The following PTPRG variants were observed in gnomAD, a reference collection of about 807,000 sequenced individuals.
PTPRG encodes the protein receptor-type tyrosine-protein phosphatase gamma.
In PTPRG, 102 loss-of-function variants were observed where a neutral mutation model predicts 165.3. That is an observed-to-expected ratio of 0.62 (90% CI 0.53 to 0.73). The LOEUF (loss-of-function observed/expected upper bound fraction) is 0.73. PTPRG is among the 30% of genes least tolerant of loss of function. The probability of loss-of-function intolerance (pLI) is 0.00; values close to 1 mark genes in which losing one functional copy is unlikely to be tolerated. For missense variants in PTPRG, 1,866 were observed against 1,861.4 expected (o/e 1.00, Z -0.05); for synonymous variants, 675 against 669.5 (o/e 1.01, Z -0.13).
intron 13 of PTPRG, among the ~76,000 whole-genome samples, chr3:62,221,560 C>A (rs1700651791): frequency 6.6e-6 from 1 of 152,156 alleles, no homozygotes; most frequent in Non-Finnish European, 1.5e-5. Flanking sequence ...ATGCGTTTCC[C>A]TTTGGCAATG....
At chr3:61,979,355 G>A (rs2040585309) in intron 2 of PTPRG, among the ~76,000 whole-genome samples, 1 of 152,126 alleles carries the variant, frequency 6.6e-6, no homozygotes, top group African/African-American at 2.4e-5. Flanking sequence ...TGAATTTTTG[G>A]TGAATGCCTT....
intron 8 of PTPRG, among the ~76,000 whole-genome samples, chr3:62,175,227 G>T (rs909067458): frequency 1.8e-4 from 27 of 152,164 alleles, no homozygotes; most frequent in African/African-American, 6.5e-4. Context: ...AATTGTTGTA[G>T]CTAGTAAATT....
chr3:61,770,171 G>C (rs2034165839), intron 2 of PTPRG: 1 of 152,164 alleles, frequency 6.6e-6, no homozygotes, highest in Non-Finnish European at 1.5e-5. Context: ...AGCCTGGGTG[G>C]TGTTGATTGT....
chr3:61,859,008 A>T (rs1173440565), intron 2 of PTPRG, among the ~76,000 whole-genome samples: 2 of 152,190 alleles, frequency 1.3e-5, no homozygotes, highest in Admixed American at 1.3e-4. Flanking sequence ...AGATGGAGAC[A>T]AAAAGTTGCT....
chr3:62,072,615 ATGTGTG>A (rs746425268), intron 4 of PTPRG, among the ~76,000 whole-genome samples: 1,574 of 134,656 alleles, frequency 0.012, 18 homozygotes, highest in African/African-American at 0.044. Flanking sequence ...ATATATGTGT[ATGTGTG>A]TGTGTGTGTG....
intron 2 of PTPRG, among the ~76,000 whole-genome samples, chr3:61,908,893 T>C (rs754750366): frequency 1.3e-5 from 2 of 152,214 alleles, no homozygotes; most frequent in African/African-American, 4.8e-5. Flanking sequence ...AGCTGAGATA[T>C]GACAGAGGGG....
intron 2 of PTPRG, among the ~76,000 whole-genome samples, chr3:61,878,709 G>T (rs1195716211): frequency 6.6e-6 from 1 of 151,918 alleles, no homozygotes; most frequent in East Asian, 1.9e-4. Flanking sequence ...TTACTATGTT[G>T]CCCGGGTTGG....
intron 15 of PTPRG, among the ~76,000 whole-genome samples, chr3:62,250,199 G>C (rs184616826): frequency 1.3e-5 from 2 of 152,218 alleles, no homozygotes; most frequent in Non-Finnish European, 2.9e-5. Flanking sequence ...AACACTCTAT[G>C]AATTAAGTAC....
intron 2 of PTPRG, among the ~76,000 whole-genome samples, chr3:61,835,721 G>T (rs2036437210): frequency 1.3e-5 from 2 of 151,774 alleles, no homozygotes; most frequent in Admixed American, 1.3e-4. Flanking sequence ...TTTTTATCAG[G>T]ATCACTTTGG....
chr3:61,682,806 CAAAT>C (rs1439106841), intron 1 of PTPRG, among the ~76,000 whole-genome samples: 2 of 152,156 alleles, frequency 1.3e-5, no homozygotes, highest in African/African-American at 4.8e-5. Flanking sequence ...GATTATGACT[CAAAT>C]GAGGAATAAA....
chr3:62,107,479 A>G (rs923728600), intron 5 of PTPRG, among the ~76,000 whole-genome samples: 13 of 152,256 alleles, frequency 8.5e-5, no homozygotes, highest in Non-Finnish European at 1.9e-4. Context: ...GTCCCAGGCA[A>G]TAACCTGCTA....
chr3:61,976,215 G>C (rs1559723890), intron 2 of PTPRG, among the ~76,000 whole-genome samples: 1 of 152,094 alleles, frequency 6.6e-6, no homozygotes, highest in Non-Finnish European at 1.5e-5. Flanking sequence ...CCCTTCCCTG[G>C]GAATTCTAGA....
rs1057131581 is a variant in PTPRG at position 61,887,420 on chromosome 3, G to C, written c.191-102205G>C. Among the ~76,000 whole-genome samples the C allele has an allele frequency of 4.7e-4, 71 of 152,134 alleles. 1 individual carries two copies. Among genetic ancestry groups the C allele is most frequent in the African/African-American group, 1.5e-3 (64 of 41,502 alleles). On this transcript the variant is annotated intron_variant, in intron 2 of 29. Coordinates refer to ENST00000474889, the MANE Select transcript of PTPRG (RefSeq NM_002841.4). ...AAAACTTTGAAGATTTTCTCACTTA[G>C]AGATTTCCCAGTGTACTGTTTACAA...
chr3:61,818,030 G>A (rs73086076), intron 2 of PTPRG, among the ~76,000 whole-genome samples: 3,048 of 152,092 alleles, frequency 0.02, 37 homozygotes, highest in Non-Finnish European at 0.03. Context: ...ATAGTGTTTG[G>A]AATCACTTTG....
At chr3:62,080,582 G>T (rs1439913850) in intron 5 of PTPRG, among the ~76,000 whole-genome samples, 1 of 152,022 alleles carries the variant, frequency 6.6e-6, no homozygotes, top group Non-Finnish European at 1.5e-5. Flanking sequence ...ATGCCAACCT[G>T]TGCTCAGACC....
chr3:62,049,298 G>A (rs1157692257), intron 4 of PTPRG, among the ~76,000 whole-genome samples: 1 of 152,064 alleles, frequency 6.6e-6, no homozygotes, highest in African/African-American at 2.4e-5. Flanking sequence ...CTGGTAAAAC[G>A]GGTTTTAGTT....
intron 5 of PTPRG, chr3:62,124,719 C>T: frequency 1.8e-6 from 1 of 555,714 alleles, no homozygotes; most frequent in Non-Finnish European, 3.2e-6. Flanking sequence ...GGCTCAGAAT[C>T]ACACTGGCTA....
intron 4 of PTPRG, among the ~76,000 whole-genome samples, chr3:62,017,422 T>A (rs1445971308): frequency 6.6e-6 from 1 of 151,656 alleles, no homozygotes; most frequent in Non-Finnish European, 1.5e-5. Flanking sequence ...AAAATGATTT[T>A]TTTTTTTTTT....
intron 1 of PTPRG, among the ~76,000 whole-genome samples, chr3:61,706,964 T>A (rs2031295556): frequency 1.3e-5 from 2 of 152,198 alleles, no homozygotes; most frequent in African/African-American, 2.4e-5. Context: ...TATGGGGAAA[T>A]ACCTAATTTT....
Sources: gnomAD v4.1 joint callset for allele counts (sites outside exome capture counted in the v4.1 genomes callset) on GRCh38, gnomAD v4.1.1 for gene constraint, MANE v1.5 for transcripts, NCBI Gene and HGNC (gene_info 2026-07-23, HGNC 2026-07-21) for gene names.